DNAH6: variants seen among roughly 807,000 people sequenced by gnomAD.
DNAH6 encodes the protein dynein axonemal heavy chain 6, also known as axonemal beta dynein heavy chain 6.
A neutral mutation model predicts 491.4 loss-of-function variants in DNAH6; 340 were observed. The ratio of observed to expected loss-of-function variants is 0.69; its 90% confidence interval spans 0.63 to 0.76. DNAH6 has a LOEUF of 0.76. DNAH6 is among the 30% of genes least tolerant of loss of function. The pLI, the probability that DNAH6 is intolerant of heterozygous loss-of-function variation, is 0.00. For synonymous variants in DNAH6, 1,603 were observed against 1,686.1 expected (o/e 0.95, Z 1.21); for missense variants, 4,443 against 4,972.2 (o/e 0.89, Z 3.20).
At chr2:84,651,047 G>A (rs964253287) in intron 33 of DNAH6, among the ~76,000 whole-genome samples, 1 of 152,126 alleles carries the variant, frequency 6.6e-6, no homozygotes, top group Non-Finnish European at 1.5e-5. Context: ...GGGAGTTCCA[G>A]CTCCCTGGCA....
intron 10 of DNAH6, among the ~76,000 whole-genome samples, chr2:84,553,250 G>A (rs202022167): frequency 2.6e-5 from 4 of 152,152 alleles, no homozygotes; most frequent in Admixed American, 2.0e-4. Context: ...TTAGAGGCTT[G>A]GTAAGGTACA....
chr2:84,681,620 G>T, intron 42 of DNAH6, 92 bp downstream of exon 42: 2 of 1,160,292 alleles, frequency 1.7e-6, no homozygotes, highest in Admixed American at 3.8e-5. Flanking sequence ...GTATGCAGGT[G>T]TTGGTGACTC....
At chr2:84,770,794 G>A (rs1675526849) in intron 64 of DNAH6, among the ~76,000 whole-genome samples, 1 of 151,580 alleles carries the variant, frequency 6.6e-6, no homozygotes, top group Admixed American at 6.6e-5. Flanking sequence ...ACCAGCCTAG[G>A]CAACAAGGTA....
At chr2:84,583,010 A>G (rs896261535) in intron 14 of DNAH6, among the ~76,000 whole-genome samples, 1 of 152,240 alleles carries the variant, frequency 6.6e-6, no homozygotes, top group African/African-American at 2.4e-5. Flanking sequence ...TAGTACGAAC[A>G]TGGCTGCTCC....
intron 23 of DNAH6, among the ~76,000 whole-genome samples, chr2:84,617,340 TTG>T (rs2104379035): frequency 6.6e-6 from 1 of 152,238 alleles, no homozygotes; most frequent in East Asian, 1.9e-4. Flanking sequence ...CATTTATCCT[TTG>T]TGTTACAAAC....
intron 41 of DNAH6, among the ~76,000 whole-genome samples, chr2:84,679,640 T>C (rs1455202904): frequency 6.6e-6 from 1 of 152,210 alleles, no homozygotes; most frequent in African/African-American, 2.4e-5. Flanking sequence ...GCCAAACAGA[T>C]CATGTAAGCC....
chr2:84,553,081 A>C, intron 10 of DNAH6, 47 bp downstream of exon 10: 1 of 1,143,038 alleles, frequency 8.7e-7, no homozygotes. Flanking sequence ...CTATTTGGAA[A>C]ATGAAGCAGC....
intron 56 of DNAH6, 119 bp from the exon 57 acceptor site, chr2:84,712,976 G>C: frequency 1.2e-6 from 1 of 831,040 alleles, no homozygotes; most frequent in Non-Finnish European, 1.9e-6. Context: ...ATATCCATCA[G>C]ATCACTGGAA....
At position 84,779,869 on chromosome 2, in the gene DNAH6, C is replaced by G. The variant is rs145935262; in HGVS notation, c.10704-1624C>G. ...CTTAGCAATTGCTTATCTGGAAAAGCTTTTATTTCTCCTTTGCTTATGAAG... is the reference window on the plus strand; with the variant it reads ...CTTAGCAATTGCTTATCTGGAAAAGGTTTTATTTCTCCTTTGCTTATGAAG... On this transcript the variant is annotated intron_variant, in intron 64 of 76. Coordinates refer to ENST00000389394, the MANE Select transcript of DNAH6 (RefSeq NM_001370.2). Among the ~76,000 whole-genome samples, 103 of 152,182 alleles carry G rather than the reference C, an allele frequency of 6.8e-4. 1 individual carries two copies. Among genetic ancestry groups the G allele is most frequent in the African/African-American group, 2.3e-3 (95 of 41,538 alleles).
chr2:84,490,743 G>A, the DNAH6 span, among the ~76,000 whole-genome samples: 1 of 151,988 alleles, frequency 6.6e-6, no homozygotes, highest in South Asian at 2.1e-4. Context: ...TATATCTTTA[G>A]TAGAGACGGG....
Position 84,782,672 on chromosome 2 carries a change from C to A in DNAH6, c.10864+1019C>A, listed in dbSNP as rs1022583502. Among the ~76,000 whole-genome samples, 12 of 152,332 alleles carry A rather than the reference C, an allele frequency of 7.9e-5. 1 individual carries two copies. The East Asian group carries it at 1.7e-3, about 22-fold the overall frequency. Reference sequence around the variant, plus strand: ...CCATTCAGAATCTCCACTATTTCCACTCTTTTGCTGTCAAATAAGAGAGGG... The same window carrying A: ...CCATTCAGAATCTCCACTATTTCCAATCTTTTGCTGTCAAATAAGAGAGGG... On this transcript the variant is annotated intron_variant, in intron 65 of 76. Transcript: ENST00000389394.
intron 63 of DNAH6, among the ~76,000 whole-genome samples, chr2:84,747,288 C>G (rs2105055573): frequency 6.6e-6 from 1 of 152,304 alleles, no homozygotes; most frequent in African/African-American, 2.4e-5. Context: ...CCCATGAGAT[C>G]AAAAACAAGT....
intron 68 of DNAH6, among the ~76,000 whole-genome samples, chr2:84,791,233 A>G (rs1422378189): frequency 1.3e-5 from 2 of 152,002 alleles, no homozygotes; most frequent in Non-Finnish European, 2.9e-5. Flanking sequence ...CACAAAAACA[A>G]AACTTGTACA....
intron 34 of DNAH6, among the ~76,000 whole-genome samples, chr2:84,654,244 G>T (rs1028801687): frequency 6.6e-6 from 1 of 152,098 alleles, no homozygotes; most frequent in Non-Finnish European, 1.5e-5. Flanking sequence ...TTTGATGAGG[G>T]ATTGGGAGAG....
intron 64 of DNAH6, among the ~76,000 whole-genome samples, chr2:84,775,899 C>G (rs1424456125): frequency 6.6e-6 from 1 of 152,088 alleles, no homozygotes; most frequent in African/African-American, 2.4e-5. Context: ...TGGATCTTCT[C>G]TCTTTTTTCT....
At chr2:84,539,627 T>C (rs1678042892) in intron 4 of DNAH6, among the ~76,000 whole-genome samples, 1 of 152,112 alleles carries the variant, frequency 6.6e-6, no homozygotes, top group African/African-American at 2.4e-5. Context: ...AAAACACAGA[T>C]GGTTAAACCC....
intron 59 of DNAH6, among the ~76,000 whole-genome samples, chr2:84,721,984 G>A (rs1426507665): frequency 6.6e-6 from 1 of 152,186 alleles, no homozygotes; most frequent in Admixed American, 6.5e-5. Flanking sequence ...GGGAATCTTG[G>A]AAGGCCCATT....
chr2:84,561,445 A>C (rs1314568885), intron 11 of DNAH6, among the ~76,000 whole-genome samples: 1 of 152,142 alleles, frequency 6.6e-6, no homozygotes, highest in Non-Finnish European at 1.5e-5. Context: ...CTAGAAGAAA[A>C]CCTAGGCATT....
rs1676912989 is a variant in DNAH6 at position 84,529,174 on chromosome 2, AT to A, written c.662+14del. Reference sequence around the variant, plus strand: ...TGATACATATAATCTAAAGTGAGTTATTTTTTATGATGCAATTTAACATAAA... The same window carrying A: ...TGATACATATAATCTAAAGTGAGTTATTTTTATGATGCAATTTAACATAAA... On this transcript the variant is annotated intron_variant, in intron 4 of 76. Transcript: ENST00000389394. 2 of 1,514,276 alleles carry A rather than the reference AT, an allele frequency of 1.3e-6. No homozygotes were observed. The highest frequency in any genetic ancestry group is 1.4e-5 in the African/African-American group (1 of 71,856). The allele number at this position is 1,514,276 out of a possible 1,614,324, so 93.8% of individuals were successfully genotyped here.
Sources: allele counts gnomAD v4.1 joint callset (sites outside exome capture counted in the v4.1 genomes callset), GRCh38; gene constraint gnomAD v4.1.1; transcripts MANE v1.5; gene names NCBI Gene and HGNC (gene_info 2026-07-23, HGNC 2026-07-21).